Variants in KCNH7 observed in about 807,000 individuals in gnomAD.
The protein encoded by KCNH7 is potassium voltage-gated channel subfamily H member 7, also known as voltage-gated inwardly rectifying potassium channel KCNH7.
A neutral mutation model predicts 120.8 loss-of-function variants in KCNH7; 49 were observed. The observed-to-expected ratio is 0.41, with a 90% CI of 0.32 to 0.51. The LOEUF (loss-of-function observed/expected upper bound fraction) is 0.51, where lower values mean the gene tolerates loss of function less well. Among genes scored for constraint, KCNH7 ranks in the 20% least tolerant of loss-of-function variants. The pLI is 0.38. For missense variants in KCNH7, 1,097 were observed against 1,446.6 expected (o/e 0.76, Z 3.92); for synonymous variants, 547 against 516.1 (o/e 1.06, Z -0.81).
chr2:162,819,199 G>T (rs531088524), intron 2 of KCNH7, among the ~76,000 whole-genome samples: 5 of 152,082 alleles, frequency 3.3e-5, no homozygotes, highest in Admixed American at 3.3e-4. Flanking sequence ...AAAATTTATA[G>T]AGTCTATTAG....
At chr2:162,381,978 T>C (rs753563910) in intron 13 of KCNH7, among the ~76,000 whole-genome samples, 8 of 152,150 alleles carry the variant, frequency 5.3e-5, no homozygotes, top group Non-Finnish European at 8.8e-5. Flanking sequence ...GATGCTTTTC[T>C]CTGTCTAGTC....
At chr2:162,645,280 T>G (rs544308775) in intron 2 of KCNH7, among the ~76,000 whole-genome samples, 1 of 152,222 alleles carries the variant, frequency 6.6e-6, no homozygotes, top group South Asian at 2.1e-4. Flanking sequence ...CCTGAGTAGC[T>G]GGGACTACAG....
chr2:162,615,440 A>T (rs1683110765), intron 2 of KCNH7, among the ~76,000 whole-genome samples: 1 of 152,178 alleles, frequency 6.6e-6, no homozygotes, highest in Admixed American at 6.5e-5. Context: ...CAAGGGATTC[A>T]ATTAACAACT....
chr2:162,392,746 T>C (rs193178231), intron 12 of KCNH7, among the ~76,000 whole-genome samples: 3 of 151,846 alleles, frequency 2.0e-5, no homozygotes, highest in East Asian at 2.0e-4. Context: ...TGGGGGAAGA[T>C]GGAGTGATGG....
chr2:162,393,962 A>C (rs1041400360), intron 12 of KCNH7, among the ~76,000 whole-genome samples: 9 of 152,096 alleles, frequency 5.9e-5, no homozygotes, highest in African/African-American at 1.7e-4. Flanking sequence ...AACCTGGAGA[A>C]AACAAGAAGT....
intron 2 of KCNH7, among the ~76,000 whole-genome samples, chr2:162,630,359 T>A (rs567825623): frequency 1.3e-4 from 20 of 151,980 alleles, no homozygotes; most frequent in Non-Finnish European, 2.1e-4. Flanking sequence ...CTAGATGAGA[T>A]TATCTAGGAA....
intron 2 of KCNH7, among the ~76,000 whole-genome samples, chr2:162,579,577 T>A (rs1412981768): frequency 1.3e-5 from 2 of 152,040 alleles, no homozygotes; most frequent in Non-Finnish European, 2.9e-5. Flanking sequence ...GGGCCTCTCA[T>A]CCTTGGTGCA....
chr2:162,528,176 ATACT>A (rs2105807324), intron 3 of KCNH7: 1 of 152,134 alleles, frequency 6.6e-6, no homozygotes, highest in African/African-American at 2.4e-5. Flanking sequence ...CATGTATTAG[ATACT>A]TACTATTTGC....
At chr2:162,726,850 G>T (rs1041902651) in intron 2 of KCNH7, among the ~76,000 whole-genome samples, 1 of 152,028 alleles carries the variant, frequency 6.6e-6, no homozygotes, top group African/African-American at 2.4e-5. Context: ...GACATTCTGG[G>T]CTCTATGTTC....
At chr2:162,467,540 G>A (rs1689349439) in intron 6 of KCNH7, among the ~76,000 whole-genome samples, 1 of 152,110 alleles carries the variant, frequency 6.6e-6, no homozygotes, top group African/African-American at 2.4e-5. Context: ...TCCACCATGA[G>A]TGGAAGCAGC....
intron 2 of KCNH7, among the ~76,000 whole-genome samples, chr2:162,602,279 T>C (rs1179254102): frequency 1.3e-5 from 2 of 152,028 alleles, no homozygotes; most frequent in Admixed American, 1.3e-4. Context: ...CTTCAGGGCC[T>C]AGATGAACTG....
intron 2 of KCNH7, among the ~76,000 whole-genome samples, chr2:162,804,553 T>G (rs750636085): frequency 2.6e-5 from 4 of 151,688 alleles, no homozygotes; most frequent in African/African-American, 4.8e-5. Flanking sequence ...AGATGAAAGA[T>G]CTGTACAAGT....
chr2:162,725,706 T>A (rs538240585), intron 2 of KCNH7, among the ~76,000 whole-genome samples: 7 of 152,214 alleles, frequency 4.6e-5, no homozygotes, highest in Non-Finnish European at 7.4e-5. Context: ...CCACAAGTGA[T>A]TTTGCCCAGA....
intron 3 of KCNH7, among the ~76,000 whole-genome samples, chr2:162,520,039 C>A (rs1691465170): frequency 6.6e-6 from 1 of 151,734 alleles, no homozygotes; most frequent in East Asian, 2.0e-4. Context: ...CAGACCTCTC[C>A]TCTGTGTTCC....
At chr2:162,673,254 C>T (rs1262526614) in intron 2 of KCNH7, among the ~76,000 whole-genome samples, 1 of 151,972 alleles carries the variant, frequency 6.6e-6, no homozygotes, top group African/African-American at 2.4e-5. Flanking sequence ...ATCAGTATCA[C>T]TCATGGATAT....
intron 2 of KCNH7, among the ~76,000 whole-genome samples, chr2:162,791,373 G>A (rs1683936802): frequency 1.3e-5 from 2 of 152,102 alleles, no homozygotes; most frequent in East Asian, 1.9e-4. Flanking sequence ...ATTGCTTTGG[G>A]CAGTATGGCC....
intron 2 of KCNH7, among the ~76,000 whole-genome samples, chr2:162,813,274 G>A (rs543961917): frequency 6.6e-6 from 1 of 152,220 alleles, no homozygotes; most frequent in South Asian, 2.1e-4. Flanking sequence ...TCAAAGAAAG[G>A]TGAGACAATC....
intron 6 of KCNH7, among the ~76,000 whole-genome samples, chr2:162,460,092 T>TAA (rs1689095191): frequency 1.3e-5 from 1 of 79,792 alleles, no homozygotes. Context: ...AGACTCCATC[T>TAA]CAAAAAAAAA....
intron 2 of KCNH7, among the ~76,000 whole-genome samples, chr2:162,744,224 G>A (rs1688233210): frequency 6.6e-6 from 1 of 152,122 alleles, no homozygotes; most frequent in Non-Finnish European, 1.5e-5. Context: ...AAGACCATAA[G>A]GGCCCACCTT....
Sources: gnomAD v4.1 joint callset for allele counts (sites outside exome capture counted in the v4.1 genomes callset) on GRCh38, gnomAD v4.1.1 for gene constraint, MANE v1.5 for transcripts, NCBI Gene and HGNC (gene_info 2026-07-23, HGNC 2026-07-21) for gene names.